Variants in CTNNA3 observed in about 807,000 individuals in gnomAD.
CTNNA3 encodes the protein catenin alpha-3.
In CTNNA3, 76 loss-of-function variants were observed where a neutral mutation model predicts 95.7. That is an observed-to-expected ratio of 0.79 (90% CI 0.66 to 0.96). The LOEUF (loss-of-function observed/expected upper bound fraction) is 0.96, where lower values mean the gene tolerates loss of function less well. Ranked by LOEUF, CTNNA3 falls within the 40% of genes least tolerant of loss-of-function variation. The pLI is 0.00. For missense variants in CTNNA3, 1,191 were observed against 1,089.8 expected (o/e 1.09, Z -1.31); for synonymous variants, 431 against 374.4 (o/e 1.15, Z -1.74).
chr10:66,366,871 G>A lies in CTNNA3; in HGVS notation c.1732+12281C>T, dbSNP rs181186836. On this transcript the variant is annotated intron_variant, in intron 12 of 17. Coordinates refer to ENST00000433211, the MANE Select transcript of CTNNA3 (RefSeq NM_013266.4). ...TGTATGTGTGTATCTTTGTGTGTGT[G>A]TGTTCTAGTATCTTCAGTGGGTTTT... Among the ~76,000 whole-genome samples the A allele has an allele frequency of 6.8e-4, 104 of 152,212 alleles. 1 individual carries two copies. Among genetic ancestry groups the A allele is most frequent in the African/African-American group, 2.4e-3 (98 of 41,538 alleles).
At chr10:67,689,158 T>C (rs117527405) in intron 1 of CTNNA3, among the ~76,000 whole-genome samples, 8,255 of 152,244 alleles carry the variant, frequency 0.054, 316 homozygotes, top group Middle Eastern at 0.11. Context: ...AAAAATGAAC[T>C]GGACGGACAT....
In CTNNA3 at chr10:66,523,144, T is replaced by C. The variant is rs115070770; in HGVS notation, c.1375-2371A>G. 1.9e-3 allele frequency among the ~76,000 whole-genome samples: 286 copies of C among 152,294 alleles called. 2 individuals carry two copies. The highest frequency in any genetic ancestry group is 6.6e-3 in the African/African-American group (274 of 41,570). ...GTTTTATTAACCTATTAACTTACAA[T>C]GTACCTTCGTGTATACTGCAGTGGC... is the stretch of plus-strand genomic sequence containing the variant. On this transcript the variant is annotated intron_variant, in intron 10 of 17. Transcript: ENST00000433211.
At chr10:67,208,091 G>C (rs1036071588) in intron 6 of CTNNA3, among the ~76,000 whole-genome samples, 1 of 152,086 alleles carries the variant, frequency 6.6e-6, no homozygotes, top group African/African-American at 2.4e-5. Flanking sequence ...AGAACAGCCA[G>C]GCCAGGCGCG....
chr10:66,716,953 A>G (rs1848470821), intron 9 of CTNNA3, among the ~76,000 whole-genome samples: 1 of 151,954 alleles, frequency 6.6e-6, no homozygotes, highest in Non-Finnish European at 1.5e-5. Flanking sequence ...TAATCAACTG[A>G]CTTTAATTAA....
chr10:66,445,341 C>T (rs1260897311), intron 11 of CTNNA3, among the ~76,000 whole-genome samples: 1 of 152,078 alleles, frequency 6.6e-6, no homozygotes, highest in Non-Finnish European at 1.5e-5. Context: ...ATCTACAGAA[C>T]TCTCCACCCC....
chr10:66,285,175 A>G (rs2091563725), intron 12 of CTNNA3, among the ~76,000 whole-genome samples: 2 of 151,662 alleles, frequency 1.3e-5, no homozygotes, highest in Admixed American at 1.3e-4. Context: ...GTTATACTCT[A>G]CTCTATCTTT....
At chr10:66,705,682 C>A (rs534823845) in intron 9 of CTNNA3, among the ~76,000 whole-genome samples, 2 of 151,978 alleles carry the variant, frequency 1.3e-5, no homozygotes, top group South Asian at 4.2e-4. Context: ...AGCATAATAT[C>A]CCTTCCTTAA....
At chr10:66,764,623 T>A (rs2132778691) in intron 9 of CTNNA3, among the ~76,000 whole-genome samples, 1 of 152,290 alleles carries the variant, frequency 6.6e-6, no homozygotes, top group East Asian at 1.9e-4. Flanking sequence ...TAAAAAGAAG[T>A]TGTTTTCATA....
chr10:66,978,218 C>T lies in CTNNA3; in HGVS notation c.1047+202099G>A, dbSNP rs529735357. ...TAGAGATCTGCTGCACAACATAGTG[C>T]CTAGAGTTAACAATATTGTATTGTG... On this transcript the variant is annotated intron_variant, in intron 7 of 17. Transcript: ENST00000433211. Among the ~76,000 whole-genome samples, 8 of 151,850 alleles carry T rather than the reference C, an allele frequency of 5.3e-5. No individual in the cohort carries two copies. The East Asian group carries it at 1.6e-3, about 30-fold the overall frequency.
chr10:67,762,391 A>T (rs1435905761), intron 1 of CTNNA3, among the ~76,000 whole-genome samples: 1 of 151,436 alleles, frequency 6.6e-6, no homozygotes, highest in Non-Finnish European at 1.5e-5. Flanking sequence ...CCCAAAAAAA[A>T]AAAAGCCCTC....
rs189879649 is a variant in CTNNA3 at position 66,069,939 on chromosome 10, T to A, written c.1978-450A>T. On this transcript the variant is annotated intron_variant, in intron 14 of 17. Transcript: ENST00000433211. ...ATGCAATTACAGGATGAATTAGTCA[T>A]GCCTCAACTTTAACATAATAAAGAA... Among the ~76,000 whole-genome samples, 954 of 152,250 alleles carry A rather than the reference T, an allele frequency of 6.3e-3. 3 individuals are homozygous for A. Among genetic ancestry groups the A allele is most frequent in the Non-Finnish European group, 8.9e-3 (604 of 68,002 alleles).
chr10:67,558,213 A>G (rs551728067), intron 3 of CTNNA3, among the ~76,000 whole-genome samples: 4 of 152,242 alleles, frequency 2.6e-5, no homozygotes, highest in African/African-American at 9.6e-5. Flanking sequence ...TGTATTTTTT[A>G]TCTTTCCAAC....
At chr10:67,101,414 AT>A (rs987394049) in intron 7 of CTNNA3, among the ~76,000 whole-genome samples, 5 of 150,460 alleles carry the variant, frequency 3.3e-5, no homozygotes, top group African/African-American at 7.4e-5. Flanking sequence ...AAACCATGAA[AT>A]TTTTTTTACT....
intron 13 of CTNNA3, among the ~76,000 whole-genome samples, chr10:66,114,336 ATTG>A (rs1303988770): frequency 6.6e-6 from 1 of 151,980 alleles, no homozygotes; most frequent in Non-Finnish European, 1.5e-5. Context: ...CACTTGAAAT[ATTG>A]TTAACTGAAT....
chr10:66,705,913 C>T (rs1848101492), intron 9 of CTNNA3, among the ~76,000 whole-genome samples: 2 of 152,026 alleles, frequency 1.3e-5, no homozygotes, highest in African/African-American at 4.8e-5. Context: ...TCCTAAGCAA[C>T]ACAATTCTCC....
At chr10:67,692,652 T>G (rs1164427536) in intron 1 of CTNNA3, among the ~76,000 whole-genome samples, 1 of 136,732 alleles carries the variant, frequency 7.3e-6, no homozygotes, top group Non-Finnish European at 1.6e-5. Context: ...CTTTGTTCAC[T>G]TGTTTATCTG....
chr10:66,135,423 T>C (rs1458369706), intron 13 of CTNNA3, among the ~76,000 whole-genome samples: 1 of 152,194 alleles, frequency 6.6e-6, no homozygotes, highest in African/African-American at 2.4e-5. Flanking sequence ...CTAAAAAAAT[T>C]AATGATTTCA....
intron 9 of CTNNA3, among the ~76,000 whole-genome samples, chr10:66,644,190 T>C (rs1845611669): frequency 6.6e-6 from 1 of 151,616 alleles, no homozygotes; most frequent in African/African-American, 2.4e-5. Context: ...GCTTGGGAGG[T>C]TGAGGCTTCA....
intron 7 of CTNNA3, among the ~76,000 whole-genome samples, chr10:66,968,529 CG>C: frequency 6.6e-6 from 1 of 151,652 alleles, no homozygotes; most frequent in East Asian, 1.9e-4. Flanking sequence ...TCTAAAAAAA[CG>C]TGGTTAGAAG....
Sources: gnomAD v4.1 joint callset for allele counts (sites outside exome capture counted in the v4.1 genomes callset) on GRCh38, gnomAD v4.1.1 for gene constraint, MANE v1.5 for transcripts, NCBI Gene and HGNC (gene_info 2026-07-23, HGNC 2026-07-21) for gene names.